Variants in PGBD1 observed in about 807,000 individuals in gnomAD.
PGBD1 encodes the protein piggyBac transposable element-derived protein 1.
PGBD1 carries 25 observed loss-of-function variants against 34.7 expected under a neutral mutation model. The observed-to-expected ratio is 0.72, with a 90% CI of 0.52 to 1.00. The LOEUF is 1.00. PGBD1 is among the 50% of genes least tolerant of loss of function. PGBD1 has a pLI of 0.00. For missense variants in PGBD1, 830 were observed against 959.4 expected, an observed-to-expected ratio of 0.87 and a Z score of 1.78; for synonymous variants, 292 against 335.7, an observed-to-expected ratio of 0.87 and a Z score of 1.42.
rs201698521 is a variant in PGBD1, at chr6:28,296,944, G to A, written c.771G>A (p.Met257Ile). 2.7e-5 allele frequency: 43 copies of A among 1,613,980 alleles called. No individual in the cohort carries two copies. In the Admixed American group the frequency reaches 6.0e-4, roughly 23 times the overall value. ...AQETVMSLSP[M>I]TEEIVTKDRL... ...AGACAGTTATGAGCCTCAGTCCGAT[G>A]AGTAAGGCCAGGCCTCTGGCTGGAC... Residue 257 changes from methionine to isoleucine, a missense_variant and splice_region_variant, in exon 5 of 7, where the codon ATG (methionine) becomes ATA (isoleucine). Transcript: ENST00000682144.
rs776462896 is a variant in PGBD1, at chr6:28,299,468, A to T, written c.870-1256A>T. On this transcript the variant is annotated intron_variant, in intron 6 of 6. Transcript: ENST00000682144. ...GTCAACAGTAGAAAGACTCAGTGTG[A>T]TCAAGGAATGTCACTGAAGTTATGG... is the stretch of plus-strand genomic sequence containing the variant. 5.9e-5 allele frequency among the ~76,000 whole-genome samples: 9 copies of T among 152,298 alleles called. No individual in the cohort carries two copies. The Middle Eastern group carries it at 0.017, about 288-fold the overall frequency.
chr6:28,298,086 G>T, intron 6 of PGBD1, 95 bp downstream of exon 6: 2 of 847,054 alleles, frequency 2.4e-6, no homozygotes, highest in Non-Finnish European at 3.9e-6. Flanking sequence ...CTGCTTCTCT[G>T]GAATAAGATA....
chr6:28,298,214 A>G (rs1356740082), intron 6 of PGBD1, among the ~76,000 whole-genome samples: 1 of 152,112 alleles, frequency 6.6e-6, no homozygotes, highest in Non-Finnish European at 1.5e-5. Flanking sequence ...AGTTTCCTCC[A>G]AGAAGCCTAT....
At chr6:28,288,578 G>A (rs964601666) in intron 4 of PGBD1, among the ~76,000 whole-genome samples, 6 of 152,280 alleles carry the variant, frequency 3.9e-5, no homozygotes, top group South Asian at 2.1e-4. Flanking sequence ...ACAATAGGCC[G>A]GGTGCAGTGG....
intron 4 of PGBD1, among the ~76,000 whole-genome samples, chr6:28,295,182 C>T (rs546206253): frequency 6.6e-6 from 1 of 152,206 alleles, no homozygotes; most frequent in Non-Finnish European, 1.5e-5. Flanking sequence ...AGAAGTGGAA[C>T]CTGAAGATGT....
rs1362905980 is a variant in PGBD1, at chr6:28,302,443, T to C, written c.*159T>C. ...ATTTATATAGAGTTTCAAAGACTATTGTAACAAGTAATGTTAAAAATTGTC... is the reference window on the plus strand; with the variant it reads ...ATTTATATAGAGTTTCAAAGACTATCGTAACAAGTAATGTTAAAAATTGTC... On this transcript the variant is annotated 3_prime_UTR_variant, in exon 7 of 7. Coordinates refer to ENST00000682144, the MANE Select transcript of PGBD1 (RefSeq NM_032507.4). 5.3e-6 allele frequency: 4 copies of C among 758,430 alleles called. No homozygotes were observed. Among genetic ancestry groups the C allele is most frequent in the African/African-American group, 3.5e-5 (2 of 56,400 alleles). The allele number at this position is 758,430 out of a possible 1,614,324, so 47.0% of individuals were successfully genotyped here. A position where few individuals can be genotyped will look rare whatever the true frequency, so the allele number is the denominator to read the frequency against.
At chr6:28,297,299 A>G (rs891505132) in intron 5 of PGBD1, among the ~76,000 whole-genome samples, 3 of 151,864 alleles carry the variant, frequency 2.0e-5, no homozygotes, top group African/African-American at 4.8e-5. Context: ...CCCCATGAAC[A>G]CCTCTGTCTG....
intron 3 of PGBD1, 92 bp from the exon 4 acceptor site, chr6:28,286,988 C>A: frequency 2.1e-6 from 2 of 935,482 alleles, no homozygotes; most frequent in Non-Finnish European, 3.5e-6. Context: ...GTTTAACAAA[C>A]ATAACATTTG....
At position 28,283,836 on chromosome 6, in the gene PGBD1, C is replaced by T; in HGVS notation, c.23C>T (p.Pro8Leu). 6.2e-7 allele frequency: 1 copy of T among 1,605,576 alleles called. No homozygotes were observed. The highest frequency in any genetic ancestry group is 8.5e-7 in the Non-Finnish European group (1 of 1,173,740). The change falls in exon 2 of 7, where the codon CCT (proline) becomes CTT (leucine). Residue 8 changes from proline to leucine, a missense_variant. Coordinates refer to ENST00000682144, the MANE Select transcript of PGBD1 (RefSeq NM_032507.4). ...AACATGTATGAAGCTTTGCCAGGCC[C>T]TGCTCCTGAAAATGAAGATGGCCTT... MYEALPG[P>L]APENEDGLVK...
At chr6:28,288,418 A>C (rs1398589341) in intron 4 of PGBD1, among the ~76,000 whole-genome samples, 1 of 152,210 alleles carries the variant, frequency 6.6e-6, no homozygotes, top group African/African-American at 2.4e-5. Flanking sequence ...TCTGGTTAGG[A>C]TCTCATGCTG....
rs376284542 is a variant in PGBD1, at chr6:28,283,959, A to C, written c.146A>C (p.His49Pro). 8.7e-6 allele frequency: 14 copies of C among 1,614,206 alleles called. No individual in the cohort carries two copies. The South Asian group carries it at 1.2e-4, about 14-fold the overall frequency. The change falls in exon 2 of 7, where the codon CAC (histidine) becomes CCC (proline). Residue 49 changes from histidine (H) to proline (P), a missense_variant. By Grantham distance (77) the His-to-Pro change is moderately conservative (BLOSUM62 -2). Coordinates refer to ENST00000682144, the MANE Select transcript of PGBD1 (RefSeq NM_032507.4). Reference sequence around the variant, plus strand: ...GAGATTTGCCGCCTGCGCTTTCGGCACTTCTGCTACCAGGAGGCTCACGGA... The same window carrying C: ...GAGATTTGCCGCCTGCGCTTTCGGCCCTTCTGCTACCAGGAGGCTCACGGA... Reference protein sequence around the residue: ...TQEICRLRFRHFCYQEAHGPQ... With the variant: ...TQEICRLRFRPFCYQEAHGPQ...
At position 28,300,642 on chromosome 6, in the gene PGBD1, AGATTT is replaced by A; in HGVS notation, c.870-81_870-77del. The A allele has an allele frequency of 6.7e-7, 1 of 1,482,768 alleles. No homozygotes were observed. The highest frequency in any genetic ancestry group is 9.0e-7 in the Non-Finnish European group (1 of 1,106,832). The allele number at this position is 1,482,768 out of a possible 1,614,324, so 91.9% of individuals were successfully genotyped here. On this transcript the variant is annotated intron_variant, in intron 6 of 6. Coordinates refer to ENST00000682144, the MANE Select transcript of PGBD1 (RefSeq NM_032507.4). This position sits in a 1 kb window ranked among gnomAD's most constrained non-coding sequence, Gnocchi z 4.0. ...CCCCACACCCACCCCAAGCCCCAAA[AGATTT>A]AAGCTTCAGCAGATTTATCATGTGT... is the stretch of plus-strand genomic sequence containing the variant.
intron 4 of PGBD1, among the ~76,000 whole-genome samples, chr6:28,293,537 A>G (rs774431044): frequency 3.1e-4 from 47 of 152,156 alleles, no homozygotes; most frequent in Non-Finnish European, 6.3e-4. Context: ...TGTCAGCACC[A>G]TTTTTCTACA....
At chr6:28,286,904 A>G (rs1217147038) in intron 3 of PGBD1, among the ~76,000 whole-genome samples, 176 bp from the exon 4 acceptor site, 1 of 152,212 alleles carries the variant, frequency 6.6e-6, no homozygotes, top group Non-Finnish European at 1.5e-5. Flanking sequence ...GTAGAATTTT[A>G]GAATTTCTGA....
chr6:28,300,878 G>A lies in PGBD1; in HGVS notation c.1024G>A (p.Gly342Arg), dbSNP rs1192445493. Residue 342 changes from glycine to arginine, a missense_variant, in exon 7 of 7, where the codon GGG becomes AGG. Physicochemically the swap from Gly to Arg is moderately radical, Grantham distance 125. Transcript: ENST00000682144. This position sits in a 1 kb window ranked among gnomAD's most constrained non-coding sequence, Gnocchi z 4.0. ...EYAAGDITRK[G>R]RKKDKARVSE... ...TGCTGCAGGAGACATTACCCGAAAA[G>A]GGAGAAAAAAAGACAAAGCTCGAGT... 1 of 1,614,008 alleles carries A rather than the reference G, an allele frequency of 6.2e-7. No individual in the cohort carries two copies.
intron 5 of PGBD1, 52 bp from the exon 6 acceptor site, chr6:28,297,843 T>TAAAAA (rs2113756204): frequency 5.9e-6 from 2 of 338,338 alleles, no homozygotes; most frequent in East Asian, 5.0e-5. Context: ...TTTTTTTTTT[T>TAAAAA]TTCAAAATTC....
chr6:28,301,279 G>A lies in PGBD1; in HGVS notation c.1425G>A (p.Arg475=). ...GTGGATTTATGAGGCATCCTAGAAG[G>A]GAAATGTATTGGGAAGTCTCTGACA... ...LLSGFMRHPR[R]EMYWEVSDTD... Residue 475 remains arginine, a synonymous_variant, in exon 7 of 7, where the codon AGG becomes AGA. Coordinates refer to ENST00000682144, the MANE Select transcript of PGBD1 (RefSeq NM_032507.4). 6.2e-7 allele frequency: 1 copy of A among 1,614,022 alleles called. No individual in the cohort carries two copies. The highest frequency in any genetic ancestry group is 8.5e-7 in the Non-Finnish European group (1 of 1,179,998).
chr6:28,288,272 G>C (rs931351790), intron 4 of PGBD1, among the ~76,000 whole-genome samples: 7 of 152,206 alleles, frequency 4.6e-5, no homozygotes, highest in African/African-American at 1.4e-4. Flanking sequence ...AATGTGACCT[G>C]ATTTGGAAAC....
intron 4 of PGBD1, among the ~76,000 whole-genome samples, chr6:28,293,568 A>G (rs1762536400): frequency 6.6e-6 from 1 of 152,172 alleles, no homozygotes. Flanking sequence ...ACTTTGTGTC[A>G]CATTTTGGTA....
Sources: allele counts gnomAD v4.1 joint callset (sites outside exome capture counted in the v4.1 genomes callset), GRCh38; gene constraint gnomAD v4.1.1; non-coding constraint Gnocchi (gnomAD v3.1); transcripts MANE v1.5; gene names NCBI Gene and HGNC (gene_info 2026-07-23, HGNC 2026-07-21).